The following GMDS variants were observed in gnomAD, a reference collection of about 807,000 sequenced individuals.
GMDS encodes the protein GDP-mannose 4,6-dehydratase.
In GMDS, 20 loss-of-function variants were observed where a neutral mutation model predicts 49.9. That is an observed-to-expected ratio of 0.40 (90% CI 0.28 to 0.58). GMDS has a LOEUF of 0.58. GMDS is among the 20% of genes least tolerant of loss of function. GMDS has a pLI of 0.42. For synonymous variants in GMDS, 177 were observed against 178.6 expected (o/e 0.99, Z 0.07); for missense variants, 362 against 481.4 (o/e 0.75, Z 2.32).
chr6:1,814,966 A>G (rs1770595435), intron 7 of GMDS, among the ~76,000 whole-genome samples: 1 of 152,248 alleles, frequency 6.6e-6, no homozygotes, highest in South Asian at 2.1e-4. Flanking sequence ...AATATGGAAA[A>G]CAAAATAGGT....
intron 7 of GMDS, among the ~76,000 whole-genome samples, chr6:1,894,930 C>A (rs1468976564): frequency 6.6e-6 from 1 of 152,072 alleles, no homozygotes; most frequent in Non-Finnish European, 1.5e-5. Context: ...AAATCACATC[C>A]CCTCAAAGTA....
rs1052360933 is a variant in GMDS at position 1,778,540 on chromosome 6, G to A, written c.772-35954C>T. Among the ~76,000 whole-genome samples, 1 of 152,160 alleles carries A rather than the reference G, an allele frequency of 6.6e-6. No individual in the cohort carries two copies. The highest frequency in any genetic ancestry group is 1.5e-5 in the Non-Finnish European group (1 of 68,026). ...CTGGAGTGTTCCAAGATCTAAAATA[G>A]GTTAGTTTGTAAAACATGCCATAAA... On this transcript the variant is annotated intron_variant, in intron 7 of 10. Coordinates refer to ENST00000380815, the MANE Select transcript of GMDS (RefSeq NM_001500.4). The surrounding 1 kb of genome is among the most constrained non-coding windows in gnomAD (Gnocchi z 4.6).
intron 9 of GMDS, among the ~76,000 whole-genome samples, chr6:1,718,786 CATAT>C (rs989170081): frequency 6.7e-6 from 1 of 148,632 alleles, no homozygotes; most frequent in Non-Finnish European, 1.5e-5. Flanking sequence ...ATATATATTT[CATAT>C]ATATATATTT....
chr6:2,188,930 CA>C (rs1282770491), intron 1 of GMDS, among the ~76,000 whole-genome samples: 2 of 152,086 alleles, frequency 1.3e-5, no homozygotes, highest in African/African-American at 4.8e-5. Context: ...CCACTATGGC[CA>C]AAGCTTGCCA....
chr6:1,777,131 G>A (rs766159251), intron 7 of GMDS, among the ~76,000 whole-genome samples: 1 of 152,248 alleles, frequency 6.6e-6, no homozygotes, highest in Admixed American at 6.5e-5. Context: ...CGTGTGCCAG[G>A]CACCATATGG....
intron 7 of GMDS, among the ~76,000 whole-genome samples, chr6:1,824,621 G>A (rs1771034602): frequency 6.6e-6 from 1 of 152,044 alleles, no homozygotes; most frequent in South Asian, 2.1e-4. Flanking sequence ...ATCAGATGAG[G>A]ATCCAAACCC....
chr6:1,869,807 A>G (rs1581277921), intron 7 of GMDS, among the ~76,000 whole-genome samples: 1 of 152,236 alleles, frequency 6.6e-6, no homozygotes, highest in African/African-American at 2.4e-5. Flanking sequence ...CACTCTGTGG[A>G]GGACCCACTG....
chr6:1,694,673 G>C (rs1765278471), intron 9 of GMDS, among the ~76,000 whole-genome samples: 9 of 152,186 alleles, frequency 5.9e-5, no homozygotes, highest in Admixed American at 5.9e-4. Flanking sequence ...CATAGCAAGA[G>C]GTGGAAATAG....
chr6:1,820,958 A>G (rs1581220830), intron 7 of GMDS, among the ~76,000 whole-genome samples: 1 of 152,208 alleles, frequency 6.6e-6, no homozygotes, highest in Non-Finnish European at 1.5e-5. Context: ...TAACTTCTCT[A>G]TGGCCTCAGA....
rs1363774532 is a variant in GMDS, at chr6:1,778,087, A to G, written c.772-35501T>C. ...TTAAAAAAAGAAGCTGAAAAATGGA[A>G]CTTTGTTTTATTTTGATAGAGTGCC... On this transcript the variant is annotated intron_variant, in intron 7 of 10. Transcript: ENST00000380815. The surrounding 1 kb of genome is among the most constrained non-coding windows in gnomAD (Gnocchi z 4.6). Among the ~76,000 whole-genome samples the G allele has an allele frequency of 1.3e-5, 2 of 152,072 alleles. No homozygotes were observed. The highest frequency in any genetic ancestry group is 3.9e-4 in the East Asian group (2 of 5,192).
intron 4 of GMDS, among the ~76,000 whole-genome samples, chr6:1,997,020 A>C (rs1766324819): frequency 6.6e-6 from 1 of 151,720 alleles, no homozygotes. Context: ...TGGTGAGAGG[A>C]GGGAACGGCC....
intron 9 of GMDS, among the ~76,000 whole-genome samples, chr6:1,671,597 T>C (rs1234502633): frequency 6.6e-6 from 1 of 151,926 alleles, no homozygotes; most frequent in African/African-American, 2.4e-5. Flanking sequence ...ATTTTGTCCA[T>C]CCCTAAGTAT....
chr6:1,625,320 A>G (rs542140413), intron 9 of GMDS: 2 of 152,332 alleles, frequency 1.3e-5, no homozygotes, highest in East Asian at 1.9e-4. Context: ...GGTCTATTCT[A>G]TTCTACCCCT....
intron 9 of GMDS, among the ~76,000 whole-genome samples, chr6:1,721,592 A>AG (rs1766385231): frequency 6.6e-6 from 1 of 152,114 alleles, no homozygotes; most frequent in African/African-American, 2.4e-5. Context: ...GATGCTCTGC[A>AG]GAAAAAAAAG....
At chr6:1,873,861 T>C (rs1329303084) in intron 7 of GMDS, among the ~76,000 whole-genome samples, 1 of 152,192 alleles carries the variant, frequency 6.6e-6, no homozygotes, top group Non-Finnish European at 1.5e-5. Flanking sequence ...TGCCAACCTC[T>C]ACCAAAGCAC....
chr6:1,659,046 G>A lies in GMDS; in HGVS notation c.988-34506C>T, dbSNP rs568018650. ...TGAGAGTGGAAAAGGCAGCCTTGTG[G>A]GCCAGTGGCAAACTCCTCATGAACC... On this transcript the variant is annotated intron_variant, in intron 9 of 10. Coordinates refer to ENST00000380815, the MANE Select transcript of GMDS (RefSeq NM_001500.4). Among the ~76,000 whole-genome samples, 7 of 152,270 alleles carry A rather than the reference G, an allele frequency of 4.6e-5. No individual in the cohort carries two copies. In the South Asian group the frequency reaches 1.2e-3, roughly 27 times the overall value.
At chr6:1,754,263 G>C (rs1470136812) in intron 7 of GMDS, among the ~76,000 whole-genome samples, 1 of 152,140 alleles carries the variant, frequency 6.6e-6, no homozygotes, top group Non-Finnish European at 1.5e-5. Context: ...ACACCTCTAT[G>C]CAAATAAACT....
chr6:1,919,123 T>C (rs976147003), intron 7 of GMDS, among the ~76,000 whole-genome samples: 3 of 152,206 alleles, frequency 2.0e-5, no homozygotes. Context: ...GCATCTGTTA[T>C]GTGCCAGGCA....
chr6:2,060,878 G>T (rs1161536414), intron 4 of GMDS, among the ~76,000 whole-genome samples: 2 of 152,056 alleles, frequency 1.3e-5, no homozygotes, highest in Non-Finnish European at 2.9e-5. Context: ...AAATTAGCCG[G>T]GCGTAGTGGC....
Sources: gnomAD v4.1 joint callset for allele counts (sites outside exome capture counted in the v4.1 genomes callset) on GRCh38, gnomAD v4.1.1 for gene constraint, Gnocchi (gnomAD v3.1) non-coding constraint, MANE v1.5 for transcripts, NCBI Gene and HGNC (gene_info 2026-07-23, HGNC 2026-07-21) for gene names.